DIPK1A: variants seen among roughly 807,000 people sequenced by gnomAD.
The protein encoded by DIPK1A is family with sequence similarity 69 member A.
DIPK1A carries 27 observed loss-of-function variants against 40.8 expected under a neutral mutation model. That is an observed-to-expected ratio of 0.66 (90% CI 0.49 to 0.91). DIPK1A has a LOEUF of 0.91. DIPK1A is among the 40% of genes least tolerant of loss of function. DIPK1A has a pLI of 0.00. For missense variants in DIPK1A, 412 were observed against 505.7 expected, an observed-to-expected ratio of 0.81 and a Z score of 1.78; for synonymous variants, 166 against 171.3, an observed-to-expected ratio of 0.97 and a Z score of 0.24.
At chr1:92,832,846 G>A (rs916000397) in exon 5 of DIPK1A, 1 of 610,916 alleles carries the variant, frequency 1.6e-6, no homozygotes, top group Non-Finnish European at 2.9e-6. Context: ...GCCCAGTTAA[G>A]CTTTGTGGCA....
At chr1:92,951,925 G>A (rs991699513) in intron 1 of DIPK1A, among the ~76,000 whole-genome samples, 5 of 91,022 alleles carry the variant, frequency 5.5e-5, no homozygotes, top group African/African-American at 9.2e-5. Flanking sequence ...ATACTCCCCC[G>A]CCCCCCACCC....
At chr1:92,885,174 C>T (rs1648539753) in intron 1 of DIPK1A, among the ~76,000 whole-genome samples, 1 of 152,142 alleles carries the variant, frequency 6.6e-6, no homozygotes. Context: ...TGTCAGTATT[C>T]TGCCTTTGTT....
chr1:92,924,539 GC>G (rs1205173610), intron 1 of DIPK1A, among the ~76,000 whole-genome samples: 1 of 152,080 alleles, frequency 6.6e-6, no homozygotes, highest in African/African-American at 2.4e-5. Flanking sequence ...GAGTCAGGGG[GC>G]ACCTTGCCTC....
intron 1 of DIPK1A, among the ~76,000 whole-genome samples, chr1:92,877,449 T>C (rs1263222140): frequency 6.6e-6 from 1 of 152,150 alleles, no homozygotes; most frequent in East Asian, 1.9e-4. Context: ...ATTGTGAGCA[T>C]TGTGAGCATG....
chr1:92,859,644 T>G (rs1405528876), intron 2 of DIPK1A, among the ~76,000 whole-genome samples: 1 of 152,212 alleles, frequency 6.6e-6, no homozygotes, highest in Non-Finnish European at 1.5e-5. Flanking sequence ...TCTCCTTACT[T>G]TGATCAAGAT....
intron 1 of DIPK1A, among the ~76,000 whole-genome samples, chr1:92,940,208 A>G (rs1008537813): frequency 6.6e-6 from 1 of 152,132 alleles, no homozygotes; most frequent in African/African-American, 2.4e-5. Context: ...GGGAGTAGAG[A>G]TGAGTGTCCG....
At chr1:92,833,606 C>T in intron 4 of DIPK1A, 1 of 1,612,644 alleles carries the variant, frequency 6.2e-7, no homozygotes, top group Non-Finnish European at 8.5e-7. Flanking sequence ...ATAAATACAA[C>T]ACACCCAAAT....
intron 1 of DIPK1A, among the ~76,000 whole-genome samples, chr1:92,957,286 T>C (rs1245836564): frequency 2.0e-5 from 3 of 152,196 alleles, no homozygotes; most frequent in Non-Finnish European, 4.4e-5. Flanking sequence ...TGCACCATAA[T>C]GGCACGTGGA....
At chr1:92,874,235 A>G (rs924798588) in intron 2 of DIPK1A, among the ~76,000 whole-genome samples, 1 of 152,254 alleles carries the variant, frequency 6.6e-6, no homozygotes, top group Non-Finnish European at 1.5e-5. Context: ...CAGAATATGT[A>G]CCAATATTTG....
intron 1 of DIPK1A, among the ~76,000 whole-genome samples, chr1:92,958,826 T>A (rs1402423427): frequency 6.6e-6 from 1 of 152,206 alleles, no homozygotes; most frequent in Non-Finnish European, 1.5e-5. Flanking sequence ...TAGTTAGTAA[T>A]CTCAGGTTGA....
At chr1:92,859,162 A>G (rs1688086886) in intron 2 of DIPK1A, among the ~76,000 whole-genome samples, 1 of 152,204 alleles carries the variant, frequency 6.6e-6, no homozygotes, top group South Asian at 2.1e-4. Flanking sequence ...CCAGGTTTTA[A>G]GTAATTTTCT....
chr1:92,881,303 T>C (rs1234225496), intron 1 of DIPK1A, among the ~76,000 whole-genome samples: 1 of 147,438 alleles, frequency 6.8e-6, no homozygotes, highest in African/African-American at 2.5e-5. Context: ...ATGTTCTTAA[T>C]TTTGAGAATG....
At chr1:92,873,352 C>G (rs765377612) in intron 2 of DIPK1A, among the ~76,000 whole-genome samples, 1 of 152,128 alleles carries the variant, frequency 6.6e-6, no homozygotes, top group Non-Finnish European at 1.5e-5. Context: ...TGGTGCCTTA[C>G]GCCTGTAATC....
chr1:92,842,705 T>A lies in DIPK1A; in HGVS notation c.*678A>T, dbSNP rs1571042617. On this transcript the variant is annotated 3_prime_UTR_variant, in exon 5 of 5. Transcript: ENST00000370310. The stretch of plus-strand genomic sequence containing the variant: ...TTGAAGGGCTCAGTCAGCTGCGTGA[T>A]ACTAAGATGGGCCCTTTGAATCTTT... 1 of 985,480 alleles carries A rather than the reference T, an allele frequency of 1.0e-6. No individual in the cohort carries two copies. Among genetic ancestry groups the A allele is most frequent in the Non-Finnish European group, 1.2e-6 (1 of 829,948 alleles). The allele number at this position is 985,480 out of a possible 1,614,324, so 61.0% of individuals were successfully genotyped here.
intron 4 of DIPK1A, among the ~76,000 whole-genome samples, chr1:92,846,794 TATATATA>T (rs1175150236): frequency 5.4e-4 from 2 of 3,672 alleles, no homozygotes; most frequent in Non-Finnish European, 7.1e-4. Flanking sequence ...ACTCCTGGCA[TATATATA>T]TATATATATA....
intron 4 of DIPK1A, chr1:92,836,457 A>G (rs2100685432): frequency 7.0e-7 from 1 of 1,438,306 alleles, no homozygotes; most frequent in Non-Finnish European, 9.8e-7. Context: ...AACTAGTTGG[A>G]CTGTGGAGAT....
intron 1 of DIPK1A, among the ~76,000 whole-genome samples, chr1:92,924,149 A>C (rs1020323305): frequency 2.0e-5 from 3 of 152,160 alleles, no homozygotes; most frequent in Non-Finnish European, 4.4e-5. Flanking sequence ...TGGTTTTTAA[A>C]TCTTATTTAA....
chr1:92,880,825 G>A (rs1362940848), intron 1 of DIPK1A, among the ~76,000 whole-genome samples: 4 of 150,602 alleles, frequency 2.7e-5, no homozygotes, highest in African/African-American at 4.9e-5. Context: ...AGCTGAGATC[G>A]CATCACTGCA....
chr1:92,864,543 G>A (rs747053982), intron 2 of DIPK1A, among the ~76,000 whole-genome samples: 24 of 152,076 alleles, frequency 1.6e-4, no homozygotes, highest in Admixed American at 8.5e-4. Flanking sequence ...ATGTATAGAA[G>A]GGAAATATTC....
Sources: gnomAD v4.1 joint callset for allele counts (sites outside exome capture counted in the v4.1 genomes callset) on GRCh38, gnomAD v4.1.1 for gene constraint, MANE v1.5 for transcripts, NCBI Gene and HGNC (gene_info 2026-07-23, HGNC 2026-07-21) for gene names.